Variants in GRAMD1B observed in about 807,000 individuals in gnomAD.
GRAMD1B encodes GRAM domain containing 1B.
Under a neutral mutation model 99.7 loss-of-function variants are expected in GRAMD1B, and 37 were observed. The observed-to-expected ratio is 0.37, with a 90% CI of 0.29 to 0.49. The LOEUF is 0.49. Ranked by LOEUF, GRAMD1B falls within the 20% of genes least tolerant of loss-of-function variation. The pLI, the probability that GRAMD1B is intolerant of heterozygous loss-of-function variation, is 0.98. For missense variants in GRAMD1B, 888 were observed against 1,009.2 expected (o/e 0.88, Z 1.63); for synonymous variants, 427 against 387.6 (o/e 1.10, Z -1.19).
intron 1 of GRAMD1B, among the ~76,000 whole-genome samples, chr11:123,375,450 A>T (rs1220653319): frequency 1.3e-5 from 2 of 152,186 alleles, no homozygotes; most frequent in Non-Finnish European, 2.9e-5. Flanking sequence ...GAAACTGTTT[A>T]TCCGGCATCT....
chr11:123,594,223 G>A, intron 5 of GRAMD1B, 57 bp downstream of exon 5: 9 of 1,204,978 alleles, frequency 7.5e-6, no homozygotes, highest in South Asian at 1.2e-5. Context: ...CCCCGGCATA[G>A]CACTCAGGGT....
At chr11:123,488,775 A>G (rs1591686177) in intron 2 of GRAMD1B, among the ~76,000 whole-genome samples, 1 of 152,058 alleles carries the variant, frequency 6.6e-6, no homozygotes, top group African/African-American at 2.4e-5. Flanking sequence ...AGTGTATCTC[A>G]TGAGAGCATC....
intron 4 of GRAMD1B, 88 bp downstream of exon 4, chr11:123,584,420 G>GGGGAAGGGGTGTGGGGTGC (rs1555086060): frequency 6.4e-6 from 1 of 156,576 alleles, no homozygotes; most frequent in Non-Finnish European, 1.4e-5. Context: ...GGTGCGGTTG[G>GGGGAAGGGGTGTGGGGTGC]GCTTTCCTGT....
rs1211557438 is a variant in GRAMD1B at position 123,591,929 on chromosome 11, C to T, written c.685-2153C>T. The stretch of plus-strand genomic sequence containing the variant: ...TACAGCTTTGTTTTAAGGAAAGTAG[C>T]GGCCCCCTCGATTTGCCTGCGGGTT... On this transcript the variant is annotated intron_variant, in intron 4 of 19. Coordinates refer to ENST00000635736, the MANE Select transcript of GRAMD1B (RefSeq NM_001387025.1). This position sits in a 1 kb window ranked among gnomAD's most constrained non-coding sequence, Gnocchi z 4.7. Among the ~76,000 whole-genome samples the T allele has an allele frequency of 1.3e-5, 2 of 152,218 alleles. No homozygotes were observed. Among genetic ancestry groups the T allele is most frequent in the African/African-American group, 2.4e-5 (1 of 41,454 alleles).
At chr11:123,531,360 T>G (rs563750300) in intron 2 of GRAMD1B, among the ~76,000 whole-genome samples, 45 of 152,194 alleles carry the variant, frequency 3.0e-4, no homozygotes, top group Non-Finnish European at 4.7e-4. Flanking sequence ...CAGTTCTGCT[T>G]TGGTAAACTG....
At chr11:123,498,299 T>TGAAG (rs1190671155) in intron 2 of GRAMD1B, among the ~76,000 whole-genome samples, 2 of 152,188 alleles carry the variant, frequency 1.3e-5, no homozygotes, top group Non-Finnish European at 2.9e-5. Flanking sequence ...TTTCTCAAAC[T>TGAAG]GAAGGAGCCT....
At chr11:123,398,452 G>A (rs576394561) in intron 1 of GRAMD1B, among the ~76,000 whole-genome samples, 139 of 152,240 alleles carry the variant, frequency 9.1e-4, no homozygotes, top group African/African-American at 3.2e-3. Flanking sequence ...CAAATAGATC[G>A]ACATATTAAT....
intron 4 of GRAMD1B, among the ~76,000 whole-genome samples, chr11:123,590,554 A>G (rs1262638872): frequency 6.6e-6 from 1 of 152,108 alleles, no homozygotes; most frequent in Non-Finnish European, 1.5e-5. Context: ...AACTTGAAGC[A>G]TGTGTAGGGC....
rs751599400 is a variant in GRAMD1B at position 123,584,283 on chromosome 11, C to G, written c.664-29C>G. 7.7e-6 allele frequency: 7 copies of G among 904,120 alleles called. No individual in the cohort carries two copies. In the South Asian group the frequency reaches 1.1e-4, roughly 15 times the overall value. The allele number at this position is 904,120 out of a possible 1,614,324, so 56.0% of individuals were successfully genotyped here. On this transcript the variant is annotated intron_variant, in intron 3 of 19. Coordinates refer to ENST00000635736, the MANE Select transcript of GRAMD1B (RefSeq NM_001387025.1). ...CCCCCCATTTCTTCCCTGACTAATT[C>G]TACCTTCTCTTTCATTTTCTCTTTT... is the stretch of plus-strand genomic sequence containing the variant.
rs565180128 is a variant in GRAMD1B at position 123,406,557 on chromosome 11, T to C, written c.-176+47758T>C. Among the ~76,000 whole-genome samples, 18 of 152,318 alleles carry C rather than the reference T, an allele frequency of 1.2e-4. No individual in the cohort carries two copies. In the South Asian group the frequency reaches 3.1e-3, roughly 26 times the overall value. On this transcript the variant is annotated intron_variant, in intron 1 of 20. Coordinates refer to the GRAMD1B transcript ENST00000638157. ...GTGAGCCACTCTGCCGGGCCCATTG[T>C]TGTTTTTTAAAGAAATTGTTAGGGG...
chr11:123,406,108 G>A (rs889466695), intron 1 of GRAMD1B, among the ~76,000 whole-genome samples: 4 of 151,350 alleles, frequency 2.6e-5, no homozygotes, highest in Admixed American at 6.6e-5. Flanking sequence ...TCTGCCTCCC[G>A]GGTTCAAATG....
At chr11:123,456,675 T>C (rs367612899) in intron 1 of GRAMD1B, among the ~76,000 whole-genome samples, 3 of 151,956 alleles carry the variant, frequency 2.0e-5, no homozygotes, top group African/African-American at 7.2e-5. Flanking sequence ...ATTCCAGCAC[T>C]TTGGGAGGCT....
chr11:123,612,626 G>A (rs1953742450), intron 14 of GRAMD1B, 135 bp from the exon 15 acceptor site: 1 of 696,156 alleles, frequency 1.4e-6, no homozygotes, highest in Non-Finnish European at 2.6e-6. Context: ...TGAGATGGAT[G>A]TGGAAGGACC....
At chr11:123,370,265 G>A (rs1328043668) in intron 1 of GRAMD1B, among the ~76,000 whole-genome samples, 1 of 150,630 alleles carries the variant, frequency 6.6e-6, no homozygotes, top group Non-Finnish European at 1.5e-5. Flanking sequence ...GCACTGAGCC[G>A]AGATTGCGCC....
intron 1 of GRAMD1B, among the ~76,000 whole-genome samples, chr11:123,442,279 G>A (rs979655651): frequency 6.6e-6 from 1 of 152,064 alleles, no homozygotes; most frequent in Non-Finnish European, 1.5e-5. Flanking sequence ...CTATCTGCAT[G>A]TTGCATCTGA....
chr11:123,601,069 G>A (rs1329745326), intron 8 of GRAMD1B, among the ~76,000 whole-genome samples: 4 of 152,060 alleles, frequency 2.6e-5, no homozygotes, highest in Non-Finnish European at 5.9e-5. Flanking sequence ...TGGAAGCTTG[G>A]AAGCTATAAT....
At chr11:123,500,521 A>C (rs1239377600) in intron 2 of GRAMD1B, among the ~76,000 whole-genome samples, 2 of 152,190 alleles carry the variant, frequency 1.3e-5, no homozygotes, top group Non-Finnish European at 2.9e-5. Flanking sequence ...TAAATGAAGA[A>C]ATTGATAACT....
At chr11:123,606,324 C>T (rs753977896) in intron 10 of GRAMD1B, among the ~76,000 whole-genome samples, 3 of 152,196 alleles carry the variant, frequency 2.0e-5, no homozygotes, top group Non-Finnish European at 4.4e-5. Context: ...GGTGCAGGTG[C>T]GGCTCCAGGA....
intron 14 of GRAMD1B, among the ~76,000 whole-genome samples, chr11:123,611,549 C>A (rs1190051361): frequency 6.6e-6 from 1 of 152,172 alleles, no homozygotes; most frequent in East Asian, 1.9e-4. Context: ...CTTCCTCCTT[C>A]CTTCTTTAAT....
Sources: gnomAD v4.1 joint callset for allele counts (sites outside exome capture counted in the v4.1 genomes callset) on GRCh38, gnomAD v4.1.1 for gene constraint, Gnocchi (gnomAD v3.1) non-coding constraint, MANE v1.5 for transcripts, NCBI Gene and HGNC (gene_info 2026-07-23, HGNC 2026-07-21) for gene names.